SMYD3: variants seen among roughly 807,000 people sequenced by gnomAD.
The protein encoded by SMYD3 is SET and MYND domain containing 3.
SMYD3 carries 36 observed loss-of-function variants against 57.7 expected under a neutral mutation model. The observed-to-expected ratio is 0.62, with a 90% CI of 0.48 to 0.82. The LOEUF (loss-of-function observed/expected upper bound fraction) is 0.82. SMYD3 is among the 40% of genes least tolerant of loss of function. The probability of loss-of-function intolerance (pLI) is 0.00; values close to 1 mark genes in which losing one functional copy is unlikely to be tolerated. For synonymous variants in SMYD3, 211 were observed against 195.0 expected (o/e 1.08, Z -0.68); for missense variants, 515 against 538.8 (o/e 0.96, Z 0.44).
chr1:246,323,435 C>T (rs1368133112), intron 5 of SMYD3, among the ~76,000 whole-genome samples: 1 of 152,090 alleles, frequency 6.6e-6, no homozygotes, highest in Non-Finnish European at 1.5e-5. Context: ...CATTGAGAAC[C>T]CGGTCCGACA....
chr1:245,806,899 AGAGC>A (rs1455413668), intron 10 of SMYD3, among the ~76,000 whole-genome samples: 34 of 135,168 alleles, frequency 2.5e-4, no homozygotes, highest in African/African-American at 9.3e-4. Flanking sequence ...CCTGGGCGAC[AGAGC>A]GAGACTCCGT....
In SMYD3 at chr1:246,407,507, A is replaced by T. The variant is rs1027270848; in HGVS notation, c.165-52413T>A. ...AATGTCCTAGGCAGCTGAGGCTGCT[A>T]TAACAGAATACCACACATTGGGTGG... On this transcript the variant is annotated intron_variant, in intron 1 of 11. Coordinates refer to ENST00000490107, the MANE Select transcript of SMYD3 (RefSeq NM_001167740.2). Among the ~76,000 whole-genome samples, 2 of 152,206 alleles carry T rather than the reference A, an allele frequency of 1.3e-5. 1 individual carries two copies. Among genetic ancestry groups the T allele is most frequent in the Admixed American group, 1.3e-4 (2 of 15,272 alleles).
At chr1:245,838,751 A>T (rs2050231855) in intron 10 of SMYD3, among the ~76,000 whole-genome samples, 1 of 152,176 alleles carries the variant, frequency 6.6e-6, no homozygotes, top group Admixed American at 6.5e-5. Context: ...TACGTATATA[A>T]ATGTACATCT....
At chr1:246,350,441 G>A (rs2065804873) in intron 2 of SMYD3, among the ~76,000 whole-genome samples, 1 of 152,204 alleles carries the variant, frequency 6.6e-6, no homozygotes. Context: ...ATGGTAACAG[G>A]TAGTACTAAA....
chr1:245,802,977 T>C (rs914785544), intron 10 of SMYD3, among the ~76,000 whole-genome samples: 7 of 152,242 alleles, frequency 4.6e-5, no homozygotes, highest in Non-Finnish European at 2.9e-5. Flanking sequence ...TTGGCCTTTA[T>C]GAATCTGTGG....
chr1:246,087,407 G>T (rs1361286357), intron 5 of SMYD3, among the ~76,000 whole-genome samples: 1 of 152,132 alleles, frequency 6.6e-6, no homozygotes, highest in African/African-American at 2.4e-5. Flanking sequence ...TCATCAGTTA[G>T]TCAATATCTG....
At chr1:246,037,544 T>A (rs1256192413) in intron 5 of SMYD3, among the ~76,000 whole-genome samples, 1 of 152,220 alleles carries the variant, frequency 6.6e-6, no homozygotes, top group Non-Finnish European at 1.5e-5. Context: ...AGTGGCTACA[T>A]CCTCCATGAT....
In SMYD3 at chr1:246,347,150, T is replaced by TA. The variant is rs954310053; in HGVS notation, c.228+7880dup. On this transcript the variant is annotated intron_variant, in intron 2 of 11. Transcript: ENST00000490107. Reference sequence around the variant, plus strand: ...GAAGCAAAGACAAAAAAAGACTTTATAAAAAAAAAACAGAATATCCAAGAA... The same window carrying TA: ...GAAGCAAAGACAAAAAAAGACTTTATAAAAAAAAAAACAGAATATCCAAGAA... Among the ~76,000 whole-genome samples, 182 of 144,038 alleles carry TA rather than the reference T, an allele frequency of 1.3e-3. 1 individual carries two copies. The highest frequency in any genetic ancestry group is 3.9e-3 in the Admixed American group (56 of 14,544). 94.5% of individuals were successfully genotyped at this position (144,038 alleles called of 152,430 possible).
intron 10 of SMYD3, among the ~76,000 whole-genome samples, chr1:245,825,672 C>A (rs1376121296): frequency 6.6e-6 from 1 of 152,088 alleles, no homozygotes; most frequent in Non-Finnish European, 1.5e-5. Context: ...AGTCTGGAAG[C>A]CCCTGTGAGA....
At chr1:246,112,570 G>T (rs556615736) in intron 5 of SMYD3, among the ~76,000 whole-genome samples, 1 of 152,202 alleles carries the variant, frequency 6.6e-6, no homozygotes, top group African/African-American at 2.4e-5. Context: ...GAGCTAAATG[G>T]ATCCAATTTT....
intron 5 of SMYD3, among the ~76,000 whole-genome samples, chr1:246,273,911 T>C (rs1319746744): frequency 1.3e-5 from 2 of 152,174 alleles, no homozygotes; most frequent in Non-Finnish European, 2.9e-5. Flanking sequence ...ATTCTCTATT[T>C]CAGTTAACAC....
chr1:246,417,032 G>C (rs1019260963), intron 1 of SMYD3, among the ~76,000 whole-genome samples: 1 of 152,122 alleles, frequency 6.6e-6, no homozygotes, highest in Non-Finnish European at 1.5e-5. Context: ...GACATTACCC[G>C]AGAGACTTCA....
intron 5 of SMYD3, among the ~76,000 whole-genome samples, chr1:246,148,564 G>A (rs546597129): frequency 9.9e-5 from 15 of 152,178 alleles, no homozygotes; most frequent in South Asian, 2.1e-4. Flanking sequence ...AGAGGTTTCC[G>A]GCCAGAAAAG....
At chr1:246,087,974 T>C (rs1485452552) in intron 5 of SMYD3, among the ~76,000 whole-genome samples, 1 of 152,092 alleles carries the variant, frequency 6.6e-6, no homozygotes, top group Non-Finnish European at 1.5e-5. Context: ...AAGCTTTTAT[T>C]GAAAAAACAT....
intron 11 of SMYD3, among the ~76,000 whole-genome samples, chr1:245,762,753 A>AT (rs2045904570): frequency 6.6e-6 from 1 of 152,180 alleles, no homozygotes; most frequent in Non-Finnish European, 1.5e-5. Context: ...TCCCTTCGGC[A>AT]TTTGTCATTT....
intron 1 of SMYD3, among the ~76,000 whole-genome samples, chr1:246,365,924 G>A (rs2148722904): frequency 6.6e-6 from 1 of 152,270 alleles, no homozygotes; most frequent in African/African-American, 2.4e-5. Context: ...CCCCAGGGCT[G>A]CTCTGAACCC....
chr1:246,069,964 C>T (rs966963759), intron 5 of SMYD3, among the ~76,000 whole-genome samples: 2 of 152,132 alleles, frequency 1.3e-5, no homozygotes, highest in African/African-American at 4.8e-5. Flanking sequence ...TTGCCCCCTT[C>T]CCTCTCCCCG....
At position 246,203,827 on chromosome 1, in the gene SMYD3, C is replaced by T. The variant is rs1409410407; in HGVS notation, c.531+123374G>A. Among the ~76,000 whole-genome samples, 1 of 152,184 alleles carries T rather than the reference C, an allele frequency of 6.6e-6. No individual in the cohort carries two copies. Among genetic ancestry groups the T allele is most frequent in the African/African-American group, 2.4e-5 (1 of 41,450 alleles). On this transcript the variant is annotated intron_variant, in intron 5 of 11. Transcript: ENST00000490107. The surrounding 1 kb of genome is among the most constrained non-coding windows in gnomAD (Gnocchi z 4.6). The stretch of plus-strand genomic sequence containing the variant: ...ACCTCAGTCAATAACATCCTCAAAT[C>T]TTTTTCATATTTAATGCACCAACAA...
At chr1:246,048,918 T>G (rs1410477314) in intron 5 of SMYD3, among the ~76,000 whole-genome samples, 1 of 152,162 alleles carries the variant, frequency 6.6e-6, no homozygotes, top group East Asian at 1.9e-4. Context: ...ACATTGTCCA[T>G]CTGGGATGGT....
Sources: gnomAD v4.1 joint callset for allele counts (sites outside exome capture counted in the v4.1 genomes callset) on GRCh38, gnomAD v4.1.1 for gene constraint, Gnocchi (gnomAD v3.1) non-coding constraint, MANE v1.5 for transcripts, NCBI Gene and HGNC (gene_info 2026-07-23, HGNC 2026-07-21) for gene names.